Variants in SYNGR1 observed in about 807,000 individuals in gnomAD.
SYNGR1 encodes synaptogyrin 1.
A neutral mutation model predicts 26.1 loss-of-function variants in SYNGR1; 14 were observed. The ratio of observed to expected loss-of-function variants is 0.54; its 90% CI spans 0.35 to 0.84. SYNGR1 has a LOEUF of 0.84. Ranked by LOEUF, SYNGR1 falls within the 40% of genes least tolerant of loss-of-function variation. The pLI, the probability that SYNGR1 is intolerant of heterozygous loss-of-function variation, is 0.01. For missense variants in SYNGR1, 319 were observed against 332.9 expected (o/e 0.96, Z 0.33); for synonymous variants, 141 against 150.1 (o/e 0.94, Z 0.44).
chr22:39,376,938 CTGG>C, intron 3 of SYNGR1: 1 of 1,546,494 alleles, frequency 6.5e-7, no homozygotes, highest in Non-Finnish European at 8.7e-7. Flanking sequence ...AGGCCCTGGG[CTGG>C]CAGCTCGGCT....
chr22:39,353,855 G>GT (rs1345581470), intron 1 of SYNGR1, among the ~76,000 whole-genome samples: 1 of 152,108 alleles, frequency 6.6e-6, no homozygotes. Flanking sequence ...TGGCAGATGA[G>GT]TTTTTTGTTT....
At chr22:39,356,492 C>A (rs1313836870) in intron 1 of SYNGR1, among the ~76,000 whole-genome samples, 1 of 152,152 alleles carries the variant, frequency 6.6e-6, no homozygotes, top group Non-Finnish European at 1.5e-5. Flanking sequence ...TCCAGGGAGT[C>A]CCCAGCCATG....
chr22:39,376,689 G>A (rs536620514), intron 3 of SYNGR1, among the ~76,000 whole-genome samples: 6 of 152,272 alleles, frequency 3.9e-5, no homozygotes, highest in East Asian at 1.9e-4. Context: ...CACAGGTGTC[G>A]ACATCAGATG....
Position 39,381,860 on chromosome 22 carries a change from G to A in SYNGR1, c.648G>A (p.Gln216=). The stretch of plus-strand genomic sequence containing the variant: ...CCGGTATGGGCGGCACCTACCAGCA[G>A]CCGGCCAACACCTTCGACACCGAGC... ...DPAGMGGTYQ[Q]PANTFDTEPQ... Residue 216 remains glutamine, a synonymous_variant, in exon 4 of 4, where the codon CAG becomes CAA. Transcript: ENST00000328933. 3.1e-6 allele frequency: 5 copies of A among 1,612,918 alleles called. No homozygotes were observed. The highest frequency in any genetic ancestry group is 4.2e-6 in the Non-Finnish European group (5 of 1,179,870).
At position 39,381,845 on chromosome 22, in the gene SYNGR1, C is replaced by T. The variant is rs749135557; in HGVS notation, c.633C>T (p.Gly211=). The T allele has an allele frequency of 2.5e-5, 41 of 1,612,950 alleles. No homozygotes were observed. Among genetic ancestry groups the T allele is most frequent in the Middle Eastern group, 3.3e-4 (2 of 6,062 alleles). ...CTGGGCCGGATCCCGCCGGTATGGG[C>T]GGCACCTACCAGCAGCCGGCCAACA... ...EPTGPDPAGM[G]GTYQQPANTF... The change falls in exon 4 of 4, where the codon GGC becomes GGT. Residue 211 remains glycine (G), a synonymous_variant. Coordinates refer to ENST00000328933, the MANE Select transcript of SYNGR1 (RefSeq NM_004711.5).
At position 39,350,044 on chromosome 22, in the gene SYNGR1, G is replaced by A. The variant is rs548672289; in HGVS notation, c.34G>A (p.Gly12Arg). 40 of 1,418,892 alleles carry A rather than the reference G, an allele frequency of 2.8e-5. No individual in the cohort carries two copies. In the South Asian group the frequency reaches 4.6e-4, roughly 16 times the overall value. The allele number at this position is 1,418,892 out of a possible 1,614,324, so 87.9% of individuals were successfully genotyped here. Residue 12 changes from glycine to arginine, a missense_variant, in exon 1 of 4, where the codon GGG (glycine) becomes AGG (arginine). Coordinates refer to ENST00000328933, the MANE Select transcript of SYNGR1 (RefSeq NM_004711.5). This position sits in a 1 kb window ranked among gnomAD's most constrained non-coding sequence, Gnocchi z 4.3. ...GGGTGCGTACGGAGCGGGCAAAGCC[G>A]GGGGCGCCTTCGACCCCTACACCCT... ...EGGAYGAGKA[G>R]GAFDPYTLVR...
intron 1 of SYNGR1, among the ~76,000 whole-genome samples, chr22:39,367,271 C>A (rs2071345206): frequency 6.6e-6 from 1 of 152,216 alleles, no homozygotes; most frequent in South Asian, 2.1e-4. Flanking sequence ...GATGTCAAGC[C>A]CCAGAAGAGG....
At position 39,375,906 on chromosome 22, in the gene SYNGR1, C is replaced by A. The variant is rs537453472; in HGVS notation, c.338-146C>A. 16 of 1,077,362 alleles carry A rather than the reference C, an allele frequency of 1.5e-5. No homozygotes were observed. The East Asian group carries it at 1.6e-4, about 11-fold the overall frequency. The allele number at this position is 1,077,362 out of a possible 1,614,324, so 66.7% of individuals were successfully genotyped here. ...GGCTCCCCTCTCTCTTCCCCTACCC[C>A]CTTTGCCTGTCCCTTTGGGGGTGGG... On this transcript the variant is annotated intron_variant, in intron 2 of 3. Transcript: ENST00000328933.
chr22:39,364,824 A>G (rs574764220), intron 1 of SYNGR1, among the ~76,000 whole-genome samples: 1 of 152,280 alleles, frequency 6.6e-6, no homozygotes. Flanking sequence ...CTCTGAATCC[A>G]GTAGCCAAGG....
chr22:39,380,857 G>A (rs959305978), intron 3 of SYNGR1, among the ~76,000 whole-genome samples: 1 of 152,046 alleles, frequency 6.6e-6, no homozygotes, highest in Non-Finnish European at 1.5e-5. Context: ...CTGACCTCAA[G>A]TAATCTGCCC....
At position 39,350,159 on chromosome 22, in the gene SYNGR1, TG is replaced by T; in HGVS notation, c.99+51del. 1.5e-6 allele frequency: 2 copies of T among 1,305,526 alleles called. No homozygotes were observed. Among genetic ancestry groups the T allele is most frequent in the South Asian group, 1.6e-5 (1 of 63,344 alleles). The allele number at this position is 1,305,526 out of a possible 1,614,324, so 80.9% of individuals were successfully genotyped here. On this transcript the variant is annotated intron_variant, in intron 1 of 3. Transcript: ENST00000328933. The surrounding 1 kb of genome is among the most constrained non-coding windows in gnomAD (Gnocchi z 4.3). ...CTGCCAGGCCGGGGTGGTGGGGGTG[TG>T]AGCAAAGGCGGCGCGCCCGGACCGA...
At chr22:39,360,993 G>A (rs1252812006) in intron 1 of SYNGR1, among the ~76,000 whole-genome samples, 1 of 152,200 alleles carries the variant, frequency 6.6e-6, no homozygotes, top group Non-Finnish European at 1.5e-5. Flanking sequence ...GGCGGGAACT[G>A]CACTGATCGG....
Position 39,377,622 on chromosome 22 carries a change from C to T in SYNGR1, c.483+1425C>T, listed in dbSNP as rs140460321. 1.4e-4 allele frequency: 219 copies of T among 1,613,890 alleles called. 1 individual carries two copies. The highest frequency in any genetic ancestry group is 1.8e-4 in the Non-Finnish European group (209 of 1,180,004). ...GAGCCTGACCGCAGCCCTGGCCGTG[C>T]GGAGATTCAAGGACCTAAGCTTCCA... On this transcript the variant is annotated intron_variant, in intron 3 of 3. Coordinates refer to ENST00000328933, the MANE Select transcript of SYNGR1 (RefSeq NM_004711.5).
At chr22:39,361,060 A>C (rs1010721859) in intron 1 of SYNGR1, among the ~76,000 whole-genome samples, 5 of 152,208 alleles carry the variant, frequency 3.3e-5, no homozygotes, top group Non-Finnish European at 5.9e-5. Context: ...GGCCCTGCTC[A>C]AATATCACCT....
intron 3 of SYNGR1, among the ~76,000 whole-genome samples, chr22:39,380,402 G>A (rs2145635088): frequency 6.6e-6 from 1 of 152,186 alleles, no homozygotes; most frequent in South Asian, 2.1e-4. Context: ...CGGTGACCCA[G>A]GCATCTTTCC....
chr22:39,381,487 T>C (rs78866262), intron 3 of SYNGR1, among the ~76,000 whole-genome samples: 7,610 of 152,186 alleles, frequency 0.05, 550 homozygotes, highest in African/African-American at 0.16. Flanking sequence ...GGCTGGATGA[T>C]ATGGTTCTGG....
chr22:39,357,239 C>G (rs1035076233), intron 1 of SYNGR1, among the ~76,000 whole-genome samples: 2 of 151,670 alleles, frequency 1.3e-5, no homozygotes, highest in Non-Finnish European at 2.9e-5. Flanking sequence ...GCATTCCAGC[C>G]AGGCAACAGA....
At position 39,350,184 on chromosome 22, in the gene SYNGR1, GA is replaced by G; in HGVS notation, c.99+76del. On this transcript the variant is annotated intron_variant, in intron 1 of 3. Transcript: ENST00000328933. This position sits in a 1 kb window ranked among gnomAD's most constrained non-coding sequence, Gnocchi z 4.3. Reference sequence around the variant, plus strand: ...TGAGCAAAGGCGGCGCGCCCGGACCGACCCCGACCCCGACCCCAACGGGCCC... The same window carrying G: ...TGAGCAAAGGCGGCGCGCCCGGACCGCCCCGACCCCGACCCCAACGGGCCC... The G allele has an allele frequency of 4.1e-6, 1 of 246,828 alleles. No homozygotes were observed. The highest frequency in any genetic ancestry group is 5.6e-6 in the Non-Finnish European group (1 of 177,932). 15.3% of individuals were successfully genotyped at this position (246,828 alleles called of 1,614,324 possible).
chr22:39,354,978 A>T (rs912542803), intron 1 of SYNGR1, among the ~76,000 whole-genome samples: 2 of 152,188 alleles, frequency 1.3e-5, no homozygotes, highest in African/African-American at 4.8e-5. Flanking sequence ...TTGTTGGGGA[A>T]GAGGGTCCAG....
Sources: gnomAD v4.1 joint callset for allele counts (sites outside exome capture counted in the v4.1 genomes callset) on GRCh38, gnomAD v4.1.1 for gene constraint, Gnocchi (gnomAD v3.1) non-coding constraint, MANE v1.5 for transcripts, NCBI Gene and HGNC (gene_info 2026-07-23, HGNC 2026-07-21) for gene names.